HIVEP3: variants seen among roughly 807,000 people sequenced by gnomAD.
HIVEP3 encodes the protein HIVEP zinc finger 3, also known as transcription factor HIVEP3.
HIVEP3 carries 49 observed loss-of-function variants against 152.8 expected under a neutral mutation model. The observed-to-expected ratio is 0.32, with a 90% CI of 0.26 to 0.41. The LOEUF (loss-of-function observed/expected upper bound fraction) is 0.41. HIVEP3 is among the 10% of genes least tolerant of loss of function. HIVEP3 has a pLI of 1.00. For missense variants in HIVEP3, 2,790 were observed against 3,103.3 expected (o/e 0.90, Z 2.40); for synonymous variants, 1,269 against 1,289.0 (o/e 0.98, Z 0.33).
At position 41,833,718 on chromosome 1, in the gene HIVEP3, C is replaced by T. The variant is rs146242543; in HGVS notation, c.-801+84695G>A. ...AACATCATGATGGACACAAGAAGCA[C>T]GCCTGAGCCCACAGTGATAAGGTCC... On this transcript the variant is annotated intron_variant, in intron 1 of 8. Transcript: ENST00000372583. Among the ~76,000 whole-genome samples the T allele has an allele frequency of 4.4e-3, 674 of 152,280 alleles. 8 individuals are homozygous for T. The highest frequency in any genetic ancestry group is 0.016 in the African/African-American group (645 of 41,548).
chr1:41,724,460 C>T (rs1646723386), intron 1 of HIVEP3, among the ~76,000 whole-genome samples: 1 of 152,214 alleles, frequency 6.6e-6, no homozygotes, highest in African/African-American at 2.4e-5. Context: ...GAAACGTCCA[C>T]CACAGAAGGC....
At chr1:41,725,448 G>A (rs747538754) in intron 1 of HIVEP3, among the ~76,000 whole-genome samples, 6 of 152,148 alleles carry the variant, frequency 3.9e-5, no homozygotes, top group Non-Finnish European at 5.9e-5. Flanking sequence ...GGGCATGTGC[G>A]GACCTACCTA....
chr1:41,978,060 CT>C (rs908701047), intron 1 of HIVEP3, among the ~76,000 whole-genome samples: 4 of 152,106 alleles, frequency 2.6e-5, no homozygotes, highest in African/African-American at 9.7e-5. Context: ...TTTATTCCTA[CT>C]TTTTTTTCCC....
intron 1 of HIVEP3, among the ~76,000 whole-genome samples, chr1:41,815,680 T>C (rs1651214866): frequency 6.6e-6 from 1 of 151,626 alleles, no homozygotes; most frequent in Admixed American, 6.6e-5. Flanking sequence ...CCTAGTGGCA[T>C]GTGGAGAACC....
chr1:41,699,370 T>C (rs191099027), intron 2 of HIVEP3, among the ~76,000 whole-genome samples: 214 of 152,280 alleles, frequency 1.4e-3, no homozygotes, highest in Non-Finnish European at 2.6e-3. Flanking sequence ...AGACGACAGG[T>C]GTGTGAAAGT....
At chr1:41,625,125 T>G (rs891988132) in intron 3 of HIVEP3, among the ~76,000 whole-genome samples, 2 of 123,572 alleles carry the variant, frequency 1.6e-5, no homozygotes, top group Admixed American at 2.1e-4. Context: ...ATCATGCCAT[T>G]GCACTCCAGC....
chr1:41,545,030 C>CACCACCAATACCACT (rs1553224665), intron 5 of HIVEP3, among the ~76,000 whole-genome samples: 1 of 106,808 alleles, frequency 9.4e-6, no homozygotes, highest in African/African-American at 3.2e-5. Flanking sequence ...CCACCACCAC[C>CACCACCAATACCACT]ACCACCAATA....
intron 1 of HIVEP3, among the ~76,000 whole-genome samples, chr1:41,996,367 G>A (rs1263948999): frequency 6.7e-6 from 1 of 149,468 alleles, no homozygotes; most frequent in Non-Finnish European, 1.5e-5. Flanking sequence ...TCCAGCCTGG[G>A]TGACAGAGCA....
intron 1 of HIVEP3, among the ~76,000 whole-genome samples, chr1:41,823,764 G>A (rs1056748443): frequency 6.6e-6 from 1 of 152,146 alleles, no homozygotes; most frequent in Non-Finnish European, 1.5e-5. Flanking sequence ...GTGTAGGTGG[G>A]TGGGGAGACA....
At chr1:41,556,866 T>C (rs1254390953) in intron 5 of HIVEP3, among the ~76,000 whole-genome samples, 1 of 152,366 alleles carries the variant, frequency 6.6e-6, no homozygotes, top group Non-Finnish European at 1.5e-5. Context: ...TATTCTGCTT[T>C]TGCATCATTC....
chr1:41,927,648 T>C (rs1194127801), intron 1 of HIVEP3, among the ~76,000 whole-genome samples: 1 of 152,054 alleles, frequency 6.6e-6, no homozygotes, highest in Non-Finnish European at 1.5e-5. Flanking sequence ...CTAAAAACAA[T>C]TGGAATCAGA....
chr1:41,724,437 A>G (rs769099292), intron 1 of HIVEP3, among the ~76,000 whole-genome samples: 2 of 152,226 alleles, frequency 1.3e-5, no homozygotes, highest in Non-Finnish European at 2.9e-5. Context: ...ACTGCTGCCA[A>G]GTAAAGTGAA....
In HIVEP3 at chr1:41,513,411, G is replaced by T; in HGVS notation, c.5810C>A (p.Pro1937Gln). The part of the protein sequence containing the change: ...SSCSMSSQSM[P>Q]GLPWLGPAPL... ...GGCCGGTCCCAGCCAGGGGAGGCCCGGCATGCTCTGGCTGGACATGGAGCA... is the reference window on the plus strand; with the variant it reads ...GGCCGGTCCCAGCCAGGGGAGGCCCTGCATGCTCTGGCTGGACATGGAGCA... Residue 1937 changes from proline to glutamine, a missense_variant, in exon 8 of 9, where the codon CCG becomes CAG. Physicochemically the swap from Pro to Gln is moderately conservative, Grantham distance 76. Transcript: ENST00000372583. The T allele has an allele frequency of 1.2e-6, 2 of 1,612,082 alleles. No homozygotes were observed. Among genetic ancestry groups the T allele is most frequent in the Non-Finnish European group, 1.7e-6 (2 of 1,179,394 alleles).
At chr1:41,570,021 C>G (rs1275407752) in intron 5 of HIVEP3, among the ~76,000 whole-genome samples, 2 of 152,200 alleles carry the variant, frequency 1.3e-5, no homozygotes, top group African/African-American at 4.8e-5. Context: ...GGTGGACCGC[C>G]TCCCAGATAC....
intron 1 of HIVEP3, among the ~76,000 whole-genome samples, chr1:41,717,559 G>A (rs1646613685): frequency 6.6e-6 from 1 of 152,192 alleles, no homozygotes; most frequent in Non-Finnish European, 1.5e-5. Flanking sequence ...GTGAAGTGAG[G>A]GAGCAGGGGC....
chr1:41,797,909 G>T (rs544125803), intron 1 of HIVEP3, among the ~76,000 whole-genome samples: 1 of 152,188 alleles, frequency 6.6e-6, no homozygotes, highest in East Asian at 1.9e-4. Flanking sequence ...GAACTCAGGT[G>T]GCAGAGGTTG....
At chr1:41,757,092 ATT>A (rs1647348375) in intron 1 of HIVEP3, among the ~76,000 whole-genome samples, 1 of 1,444 alleles carries the variant, frequency 6.9e-4, no homozygotes, top group Admixed American at 0.042. Context: ...TCTCTAAAAA[ATT>A]ATTATTATTA....
chr1:42,004,222 G>A (rs1322588249), intron 1 of HIVEP3, among the ~76,000 whole-genome samples: 1 of 152,194 alleles, frequency 6.6e-6, no homozygotes, highest in Non-Finnish European at 1.5e-5. Context: ...AAGCACACAT[G>A]TTCAAAACAG....
chr1:41,888,320 C>G (rs569538576), intron 1 of HIVEP3, among the ~76,000 whole-genome samples: 3 of 148,238 alleles, frequency 2.0e-5, no homozygotes, highest in Admixed American at 6.8e-5. Context: ...CCAAAGTGCT[C>G]GGATTACAGG....
Sources: gnomAD v4.1 joint callset for allele counts (sites outside exome capture counted in the v4.1 genomes callset) on GRCh38, gnomAD v4.1.1 for gene constraint, MANE v1.5 for transcripts, NCBI Gene and HGNC (gene_info 2026-07-23, HGNC 2026-07-21) for gene names.